The following XPA variants were observed in gnomAD, a reference collection of about 807,000 sequenced individuals.
XPA encodes the protein XPA, DNA damage recognition and repair factor, also known as DNA repair protein complementing XP-A cells.
Under a neutral mutation model 35.7 loss-of-function variants are expected in XPA, and 27 were observed. The observed-to-expected ratio is 0.76, with a 90% CI of 0.56 to 1.04. The LOEUF (loss-of-function observed/expected upper bound fraction) is 1.04. Ranked by LOEUF, XPA falls within the 50% of genes least tolerant of loss-of-function variation. The pLI, the probability that XPA is intolerant of heterozygous loss-of-function variation, is 0.00. For missense variants in XPA, 354 were observed against 342.7 expected, an observed-to-expected ratio of 1.03 and a Z score of -0.26; for synonymous variants, 133 against 118.4, an observed-to-expected ratio of 1.12 and a Z score of -0.80.
chr9:97,686,264 G>A lies in XPA; in HGVS notation c.555+832C>T, dbSNP rs138282973. On this transcript the variant is annotated intron_variant, in intron 4 of 5. Transcript: ENST00000375128. Reference sequence around the variant, plus strand: ...TATTACAATATTTGTACCACTCTGAGGTAGATACAAGAGGCTGCTTGTGAC... The same window carrying A: ...TATTACAATATTTGTACCACTCTGAAGTAGATACAAGAGGCTGCTTGTGAC... Among the ~76,000 whole-genome samples the A allele has an allele frequency of 1.9e-3, 296 of 152,232 alleles. 1 individual carries two copies. The highest frequency in any genetic ancestry group is 6.9e-3 in the African/African-American group (286 of 41,540).
intron 5 of XPA, among the ~76,000 whole-genome samples, chr9:97,678,410 T>A (rs1031835269): frequency 6.7e-6 from 1 of 149,742 alleles, no homozygotes; most frequent in Non-Finnish European, 1.5e-5. Flanking sequence ...CAAAAGTAAA[T>A]AAGTAAATAA....
chr9:97,693,887 T>C lies in XPA; in HGVS notation c.173-128A>G. The C allele has an allele frequency of 3.4e-6, 3 of 878,580 alleles. No homozygotes were observed. In the South Asian group the frequency reaches 4.3e-5, roughly 13 times the overall value. The allele number at this position is 878,580 out of a possible 1,614,324, so 54.4% of individuals were successfully genotyped here. ...ACACAAGGATGTCCACAATCACTAC[T>C]TCTATTCAACATTATACTGAAGGTC... is the stretch of plus-strand genomic sequence containing the variant. On this transcript the variant is annotated intron_variant, in intron 1 of 5. Coordinates refer to ENST00000375128, the MANE Select transcript of XPA (RefSeq NM_000380.4).
rs528334407 is a variant in XPA, at chr9:97,683,419, C to T, written c.673+1504G>A. On this transcript the variant is annotated intron_variant, in intron 5 of 5. Transcript: ENST00000375128. ...TGGGAAGGTTCTTTAATGAAATGCT[C>T]TTATATGGCACAGCTTATTACAGGA... Among the ~76,000 whole-genome samples, 3 of 152,254 alleles carry T rather than the reference C, an allele frequency of 2.0e-5. No homozygotes were observed. In the East Asian group the frequency reaches 5.8e-4, roughly 29 times the overall value.
the XPA span, among the ~76,000 whole-genome samples, chr9:97,660,350 T>G: frequency 3.9e-5 from 6 of 152,222 alleles, no homozygotes; most frequent in Non-Finnish European, 7.3e-5. Context: ...CACAAATTTT[T>G]ATAATAAGGA....
chr9:97,656,661 T>G, the XPA span, among the ~76,000 whole-genome samples: 1 of 152,250 alleles, frequency 6.6e-6, no homozygotes, highest in Non-Finnish European at 1.5e-5. Context: ...ATTCCATAGC[T>G]ATTAACATTT....
chr9:97,665,329 C>T, the XPA span, among the ~76,000 whole-genome samples: 7 of 152,318 alleles, frequency 4.6e-5, no homozygotes, highest in South Asian at 1.2e-3. Context: ...GAGTGATTTA[C>T]GTTTTCAATT....
At chr9:97,671,670 A>G (rs1363587338), downstream of XPA, 2 of 152,442 alleles carry the variant, frequency 1.3e-5, no homozygotes, top group Admixed American at 6.5e-5. Context: ...ACTCTACTCT[A>G]AAACTGGTGG....
downstream of XPA, chr9:97,672,218 TAG>T (rs1329526015): frequency 6.6e-6 from 1 of 152,210 alleles, no homozygotes; most frequent in Non-Finnish European, 1.5e-5. Flanking sequence ...CGAGGATTTT[TAG>T]ACTTTTTTCA....
chr9:97,666,743 A>G, the XPA span: 1 of 1,496,530 alleles, frequency 6.7e-7, no homozygotes, highest in African/African-American at 1.4e-5. Context: ...TACAGTAACC[A>G]AATGCCATAT....
chr9:97,669,987 A>G (rs1389622561), downstream of XPA: 7 of 438,930 alleles, frequency 1.6e-5, no homozygotes, highest in African/African-American at 2.2e-5. Flanking sequence ...CAGTGACACG[A>G]TCTCAGCTCA....
chr9:97,673,761 C>CTAAT (rs1358851190), downstream of XPA: 1 of 152,114 alleles, frequency 6.6e-6, no homozygotes, highest in Admixed American at 6.6e-5. Context: ...TACTGTTTTC[C>CTAAT]TAATTTATAA....
At chr9:97,666,268 A>G in the XPA span, among the ~76,000 whole-genome samples, 1 of 152,252 alleles carries the variant, frequency 6.6e-6, no homozygotes, top group South Asian at 2.1e-4. Context: ...AGAGCCCATC[A>G]GTTGATACCT....
At chr9:97,658,551 T>A in the XPA span, 1 of 980,770 alleles carries the variant, frequency 1.0e-6, no homozygotes, top group Non-Finnish European at 1.6e-6. Flanking sequence ...TTCAAGTTGT[T>A]GGAGATCATG....
chr9:97,693,692 T>C lies in XPA; in HGVS notation c.240A>G (p.Glu80=), dbSNP rs867658092. 6.2e-7 allele frequency: 1 copy of C among 1,613,570 alleles called. No homozygotes were observed. The change falls in exon 2 of 6, where the codon GAA becomes GAG. Residue 80 remains glutamate (E), a synonymous_variant. Coordinates refer to ENST00000375128, the MANE Select transcript of XPA (RefSeq NM_000380.4). ...TTCCAATTTTCTGTTCTTCTTCTTCTTCCTCTTCTAAAATGAAGCCTCCTC... is the reference window on the plus strand; with the variant it reads ...TTCCAATTTTCTGTTCTTCTTCTTCCTCCTCTTCTAAAATGAAGCCTCCTC... ...DTGGGFILEE[E]EEEEQKIGKV...
downstream of XPA, chr9:97,671,289 A>T: frequency 1.1e-6 from 1 of 933,598 alleles, no homozygotes; most frequent in Non-Finnish European, 1.6e-6. Flanking sequence ...GCTTTCTTGT[A>T]GTATCCTTTC....
At chr9:97,662,384 T>G in the XPA span, among the ~76,000 whole-genome samples, 1 of 152,146 alleles carries the variant, frequency 6.6e-6, no homozygotes, top group African/African-American at 2.4e-5. Context: ...TTAAAGAAAC[T>G]AGTGAAAAAC....
the XPA span, chr9:97,662,929 A>AT: frequency 2.0e-6 from 3 of 1,537,722 alleles, no homozygotes; most frequent in South Asian, 1.1e-5. Flanking sequence ...TATATATGGT[A>AT]TTTTTTTCCC....
At chr9:97,669,760 T>G in the XPA span, 1 of 1,288,008 alleles carries the variant, frequency 7.8e-7, no homozygotes, top group Non-Finnish European at 1.1e-6. Context: ...ACAAAGATTT[T>G]TCATTAAAAA....
downstream of XPA, chr9:97,670,178 G>T: frequency 4.4e-6 from 1 of 225,964 alleles, no homozygotes; most frequent in South Asian, 7.0e-5. Flanking sequence ...GCCTCCCAAA[G>T]TGCTGCTGGG....
Sources: allele counts gnomAD v4.1 joint callset (sites outside exome capture counted in the v4.1 genomes callset), GRCh38; gene constraint gnomAD v4.1.1; transcripts MANE v1.5; gene names NCBI Gene and HGNC (gene_info 2026-07-23, HGNC 2026-07-21).